Variants in ADAM23 observed in about 807,000 individuals in gnomAD.
ADAM23 encodes the protein disintegrin and metalloproteinase domain-containing protein 23.
A neutral mutation model predicts 120.1 loss-of-function variants in ADAM23; 33 were observed. The observed-to-expected ratio is 0.27, with a 90% CI of 0.21 to 0.37. The LOEUF is 0.37. ADAM23 is among the 10% of genes least tolerant of loss of function. ADAM23 has a pLI of 1.00. For synonymous variants in ADAM23, 367 were observed against 375.2 expected (o/e 0.98, Z 0.25); for missense variants, 862 against 1,058.2 (o/e 0.81, Z 2.57).
At chr2:206,498,805 G>GA (rs1696316223) in intron 3 of ADAM23, among the ~76,000 whole-genome samples, 1 of 151,640 alleles carries the variant, frequency 6.6e-6, no homozygotes, top group South Asian at 2.1e-4. Flanking sequence ...AAATTTACAA[G>GA]AAAAAAACAA....
chr2:206,588,070 C>T (rs1698357084), intron 19 of ADAM23, 21 bp from the exon 20 acceptor site: 1 of 1,613,856 alleles, frequency 6.2e-7, no homozygotes. Flanking sequence ...GTGTGCCTCA[C>T]ATGTGTGCTC....
intron 4 of ADAM23, among the ~76,000 whole-genome samples, chr2:206,537,656 C>G (rs1697205901): frequency 6.6e-6 from 1 of 152,026 alleles, no homozygotes; most frequent in Non-Finnish European, 1.5e-5. Context: ...TACTGCCTCT[C>G]AGCTTGCCAT....
At chr2:206,589,897 C>T (rs952242914) in intron 21 of ADAM23, among the ~76,000 whole-genome samples, 6 of 151,874 alleles carry the variant, frequency 4.0e-5, no homozygotes, top group Non-Finnish European at 8.8e-5. Flanking sequence ...CTATATAGAC[C>T]GTATATATTT....
At chr2:206,509,213 G>A (rs920006360) in intron 3 of ADAM23, among the ~76,000 whole-genome samples, 4 of 151,956 alleles carry the variant, frequency 2.6e-5, no homozygotes, top group East Asian at 1.9e-4. Flanking sequence ...ATGTCAAGTC[G>A]ATACAAAAAG....
intron 2 of ADAM23, among the ~76,000 whole-genome samples, chr2:206,465,654 A>G (rs978861560): frequency 1.3e-5 from 2 of 152,174 alleles, no homozygotes; most frequent in African/African-American, 4.8e-5. Context: ...TAAAAACATC[A>G]TCTGAAATAA....
intron 3 of ADAM23, among the ~76,000 whole-genome samples, chr2:206,503,470 A>G (rs1696432505): frequency 6.6e-6 from 1 of 152,146 alleles, no homozygotes; most frequent in Non-Finnish European, 1.5e-5. Context: ...TAATGAGTGA[A>G]TTAATAGTGT....
chr2:206,459,129 G>A (rs973739880), intron 2 of ADAM23, among the ~76,000 whole-genome samples: 1 of 152,172 alleles, frequency 6.6e-6, no homozygotes, highest in African/African-American at 2.4e-5. Context: ...GGACAGCCCT[G>A]TGTAATGTAA....
At chr2:206,510,127 A>G (rs549240576) in intron 3 of ADAM23, among the ~76,000 whole-genome samples, 33 of 152,220 alleles carry the variant, frequency 2.2e-4, no homozygotes, top group Non-Finnish European at 3.7e-4. Flanking sequence ...TATGAAGTGC[A>G]TATACTGTGC....
At chr2:206,474,037 A>C (rs1026016262) in intron 2 of ADAM23, among the ~76,000 whole-genome samples, 36 of 151,320 alleles carry the variant, frequency 2.4e-4, no homozygotes, top group Admixed American at 4.6e-4. Flanking sequence ...AAAAAAAAAA[A>C]CCAGAAAAAC....
At chr2:206,526,724 A>C (rs1406043663) in intron 3 of ADAM23, among the ~76,000 whole-genome samples, 1 of 152,224 alleles carries the variant, frequency 6.6e-6, no homozygotes. Flanking sequence ...GGAAGGGGAA[A>C]ATGAAATAGC....
At chr2:206,496,009 T>G (rs1340934075) in intron 3 of ADAM23, among the ~76,000 whole-genome samples, 5 of 152,054 alleles carry the variant, frequency 3.3e-5, no homozygotes, top group South Asian at 2.1e-4. Flanking sequence ...AGCAAGTCCT[T>G]AGTGACCTAC....
chr2:206,468,303 T>C (rs1032481679), intron 2 of ADAM23, among the ~76,000 whole-genome samples: 1 of 152,170 alleles, frequency 6.6e-6, no homozygotes, highest in African/African-American at 2.4e-5. Flanking sequence ...AAACATAAGT[T>C]CTAGTTTCAG....
chr2:206,576,417 A>G (rs1380074539), intron 18 of ADAM23, among the ~76,000 whole-genome samples: 1 of 152,084 alleles, frequency 6.6e-6, no homozygotes, highest in Non-Finnish European at 1.5e-5. Flanking sequence ...TCTAAGTAAA[A>G]CATTTTTTCT....
intron 25 of ADAM23, among the ~76,000 whole-genome samples, chr2:206,615,961 C>G (rs1301009234): frequency 2.6e-5 from 4 of 152,166 alleles, no homozygotes; most frequent in Non-Finnish European, 5.9e-5. Context: ...ATGCACAGTG[C>G]TAGCTTGGTT....
At chr2:206,604,618 C>T (rs1381411679) in intron 24 of ADAM23, among the ~76,000 whole-genome samples, 2 of 152,160 alleles carry the variant, frequency 1.3e-5, no homozygotes, top group African/African-American at 4.8e-5. Flanking sequence ...ACTAGAATTT[C>T]TCCCTCACAT....
At chr2:206,500,783 C>T (rs535692701) in intron 3 of ADAM23, among the ~76,000 whole-genome samples, 84 of 152,222 alleles carry the variant, frequency 5.5e-4, no homozygotes, top group Non-Finnish European at 9.0e-4. Context: ...TTTTATCCAC[C>T]GTTGATGAAT....
At chr2:206,497,195 A>C (rs1696271700) in intron 3 of ADAM23, among the ~76,000 whole-genome samples, 2 of 152,178 alleles carry the variant, frequency 1.3e-5, no homozygotes, top group Non-Finnish European at 2.9e-5. Context: ...CAGAGACACA[A>C]CGAAAAAAGA....
At chr2:206,583,786 T>C (rs1264209756) in intron 18 of ADAM23, among the ~76,000 whole-genome samples, 2 of 152,196 alleles carry the variant, frequency 1.3e-5, no homozygotes, top group Non-Finnish European at 2.9e-5. Context: ...ATTTCCTTGC[T>C]TTTGGCTTTG....
At chr2:206,463,106 T>C (rs958511360) in intron 2 of ADAM23, among the ~76,000 whole-genome samples, 5 of 152,166 alleles carry the variant, frequency 3.3e-5, no homozygotes, top group African/African-American at 9.6e-5. Context: ...AGAGGAGTTA[T>C]AGTAGACAGA....
Sources: allele counts gnomAD v4.1 joint callset (sites outside exome capture counted in the v4.1 genomes callset), GRCh38; gene constraint gnomAD v4.1.1; transcripts MANE v1.5; gene names NCBI Gene and HGNC (gene_info 2026-07-23, HGNC 2026-07-21).